Variants in ITFG1 observed in about 807,000 individuals in gnomAD.
ITFG1 encodes integrin alpha FG-GAP repeat containing 1.
ITFG1 carries 34 observed loss-of-function variants against 81.8 expected under a neutral mutation model. The observed-to-expected ratio is 0.42, with a 90% CI of 0.32 to 0.55. The LOEUF (loss-of-function observed/expected upper bound fraction) is 0.55, where lower values mean the gene tolerates loss of function less well. Ranked by LOEUF, ITFG1 falls within the 20% of genes least tolerant of loss-of-function variation. The pLI, the probability that ITFG1 is intolerant of heterozygous loss-of-function variation, is 0.17. For synonymous variants in ITFG1, 285 were observed against 270.6 expected, an observed-to-expected ratio of 1.05 and a Z score of -0.52; for missense variants, 672 against 755.4, an observed-to-expected ratio of 0.89 and a Z score of 1.29.
chr16:47,355,239 G>C (rs1968022031), intron 8 of ITFG1, among the ~76,000 whole-genome samples: 1 of 152,004 alleles, frequency 6.6e-6, no homozygotes, highest in East Asian at 1.9e-4. Flanking sequence ...TGTCATTTAC[G>C]ACAACATGGA....
chr16:47,402,894 C>G (rs1968679573), intron 6 of ITFG1, among the ~76,000 whole-genome samples: 1 of 152,136 alleles, frequency 6.6e-6, no homozygotes, highest in Admixed American at 6.5e-5. Flanking sequence ...GCAACAACTA[C>G]AAACTATCTG....
At chr16:47,225,567 G>C (rs930324218) in intron 13 of ITFG1, among the ~76,000 whole-genome samples, 3 of 152,088 alleles carry the variant, frequency 2.0e-5, no homozygotes, top group African/African-American at 7.2e-5. Context: ...AATTCATCAC[G>C]GACAAGGTAT....
rs375040258 is a variant in ITFG1, at chr16:47,350,652, C to A, written c.802+15136G>T. ...CCTGAGGTACAAGGAGGAGCTGGTA[C>A]CATTCCTTCTGAAACTATTCCAATC... On this transcript the variant is annotated intron_variant, in intron 8 of 17. Transcript: ENST00000320640. 2.0e-4 allele frequency among the ~76,000 whole-genome samples: 31 copies of A among 152,270 alleles called. 1 individual carries two copies. The South Asian group carries it at 4.6e-3, about 22-fold the overall frequency.
At chr16:47,333,744 C>T (rs1326539286) in intron 8 of ITFG1, among the ~76,000 whole-genome samples, 1 of 152,176 alleles carries the variant, frequency 6.6e-6, no homozygotes, top group Non-Finnish European at 1.5e-5. Flanking sequence ...ACAAAAGAAG[C>T]AGAGTGGACA....
intron 10 of ITFG1, among the ~76,000 whole-genome samples, chr16:47,305,405 C>T (rs1967142358): frequency 6.6e-6 from 1 of 151,866 alleles, no homozygotes; most frequent in Non-Finnish European, 1.5e-5. Flanking sequence ...ACAAAAGATA[C>T]AAGTTAAAAA....
intron 6 of ITFG1, among the ~76,000 whole-genome samples, chr16:47,390,976 A>G (rs1205487201): frequency 6.6e-6 from 1 of 152,104 alleles, no homozygotes; most frequent in Non-Finnish European, 1.5e-5. Context: ...ATGAAGTTGA[A>G]GTGAAAAATA....
intron 6 of ITFG1, among the ~76,000 whole-genome samples, chr16:47,410,637 G>C (rs564857640): frequency 5.9e-5 from 9 of 152,298 alleles, no homozygotes; most frequent in African/African-American, 2.2e-4. Flanking sequence ...ACCTTGACGA[G>C]TTCCTGGCCC....
At chr16:47,330,308 G>A (rs1329184291) in intron 8 of ITFG1, among the ~76,000 whole-genome samples, 1 of 151,990 alleles carries the variant, frequency 6.6e-6, no homozygotes, top group African/African-American at 2.4e-5. Context: ...ATGGATTAAA[G>A]ACATAAATGT....
At chr16:47,165,470 A>G (rs955492676) in intron 14 of ITFG1, among the ~76,000 whole-genome samples, 2 of 152,274 alleles carry the variant, frequency 1.3e-5, no homozygotes, top group African/African-American at 2.4e-5. Flanking sequence ...TGATTGAAAG[A>G]TAATGTTTAA....
intron 5 of ITFG1, among the ~76,000 whole-genome samples, chr16:47,437,462 C>G (rs1969182111): frequency 1.4e-5 from 2 of 139,734 alleles, no homozygotes; most frequent in Non-Finnish European, 3.1e-5. Flanking sequence ...AGTGAGAGTC[C>G]ATCTCCTGAA....
intron 6 of ITFG1, among the ~76,000 whole-genome samples, chr16:47,391,462 T>C (rs1427212807): frequency 2.6e-5 from 4 of 152,212 alleles, no homozygotes; most frequent in African/African-American, 9.6e-5. Flanking sequence ...TTTAGTGCAC[T>C]AATTTTTAAT....
chr16:47,372,238 CT>C (rs1003113198), intron 7 of ITFG1, among the ~76,000 whole-genome samples: 1 of 151,782 alleles, frequency 6.6e-6, no homozygotes, highest in African/African-American at 2.4e-5. Context: ...CTGTTTTTTG[CT>C]TTTTTAAAAA....
chr16:47,204,460 TAATA>T (rs1965467152), intron 14 of ITFG1, among the ~76,000 whole-genome samples: 1 of 152,252 alleles, frequency 6.6e-6, no homozygotes, highest in Non-Finnish European at 1.5e-5. Flanking sequence ...CTTCTAAAGA[TAATA>T]AATTCAGCAT....
chr16:47,380,402 G>A (rs1224569167), intron 6 of ITFG1, among the ~76,000 whole-genome samples: 1 of 152,154 alleles, frequency 6.6e-6, no homozygotes, highest in Non-Finnish European at 1.5e-5. Context: ...CCATTCCTAT[G>A]CTCTGCCCAC....
chr16:47,404,433 A>G (rs567922952), intron 6 of ITFG1, among the ~76,000 whole-genome samples: 1 of 152,216 alleles, frequency 6.6e-6, no homozygotes, highest in Non-Finnish European at 1.5e-5. Context: ...CATTTAAAAA[A>G]TGTGAAATAA....
In ITFG1 at chr16:47,264,545, T is replaced by TACACACAC. The variant is rs60424367; in HGVS notation, c.1071-3858_1071-3851dup. Among the ~76,000 whole-genome samples, 610 of 136,108 alleles carry TACACACAC rather than the reference T, an allele frequency of 4.5e-3. 3 individuals carry two copies. Among genetic ancestry groups the TACACACAC allele is most frequent in the African/African-American group, 0.012 (442 of 36,672 alleles). 89.3% of individuals were successfully genotyped at this position (136,108 alleles called of 152,430 possible). A position where few individuals can be genotyped will look rare whatever the true frequency, so the allele number is the denominator to read the frequency against. Reference sequence around the variant, plus strand: ...CAGGTTATTGCCAACTGTTCTCTATTACACACACACACACACACACACACA... The same window carrying TACACACAC: ...CAGGTTATTGCCAACTGTTCTCTATTACACACACACACACACACACACACACACACACA... On this transcript the variant is annotated intron_variant, in intron 10 of 17. Coordinates refer to ENST00000320640, the MANE Select transcript of ITFG1 (RefSeq NM_030790.5).
At chr16:47,351,294 T>C (rs574026067) in intron 8 of ITFG1, among the ~76,000 whole-genome samples, 68 of 152,322 alleles carry the variant, frequency 4.5e-4, no homozygotes, top group African/African-American at 1.5e-3. Context: ...GATGACATGA[T>C]TGTACATCTA....
At chr16:47,200,587 T>C (rs1355967948) in intron 14 of ITFG1, among the ~76,000 whole-genome samples, 1 of 152,246 alleles carries the variant, frequency 6.6e-6, no homozygotes, top group Non-Finnish European at 1.5e-5. Context: ...TTTAGGTCAG[T>C]GGCTCCTAAA....
At chr16:47,419,917 T>A (rs1348980453) in intron 6 of ITFG1, among the ~76,000 whole-genome samples, 3 of 151,836 alleles carry the variant, frequency 2.0e-5, no homozygotes, top group Non-Finnish European at 4.4e-5. Flanking sequence ...TCAGGTCTTA[T>A]TGGGCAGACT....
Sources: gnomAD v4.1 joint callset for allele counts (sites outside exome capture counted in the v4.1 genomes callset) on GRCh38, gnomAD v4.1.1 for gene constraint, MANE v1.5 for transcripts, NCBI Gene and HGNC (gene_info 2026-07-23, HGNC 2026-07-21) for gene names.